Variants in CLVS1 observed in about 807,000 individuals in gnomAD.
CLVS1 encodes the protein clavesin 1, also known as clavesin-1.
Under a neutral mutation model 33.1 loss-of-function variants are expected in CLVS1, and 10 were observed. That is an observed-to-expected ratio of 0.30 (90% CI 0.19 to 0.51). CLVS1 has a LOEUF of 0.51. CLVS1 is among the 20% of genes least tolerant of loss of function. The pLI, the probability that CLVS1 is intolerant of heterozygous loss-of-function variation, is 0.97. For synonymous variants in CLVS1, 163 were observed against 166.1 expected, an observed-to-expected ratio of 0.98 and a Z score of 0.14; for missense variants, 343 against 433.4, an observed-to-expected ratio of 0.79 and a Z score of 1.85.
intron 3 of CLVS1, chr8:61,377,893 G>GTGGCACATCATA (rs6150608): frequency 6.6e-6 from 1 of 151,904 alleles, no homozygotes; most frequent in Non-Finnish European, 1.5e-5. Context: ...ATTGTCCTGG[G>GTGGCACATCATA]TAGTGTATTT....
intron 5 of CLVS1, among the ~76,000 whole-genome samples, chr8:61,475,570 GT>G (rs1181294400): frequency 1.3e-5 from 2 of 152,152 alleles, no homozygotes; most frequent in African/African-American, 4.8e-5. Flanking sequence ...TTTTTCATGT[GT>G]TTTTTGGCTG....
At chr8:61,187,476 A>G (rs964809901) in intron 2 of CLVS1, among the ~76,000 whole-genome samples, 3 of 152,156 alleles carry the variant, frequency 2.0e-5, no homozygotes, top group Admixed American at 6.6e-5. Context: ...AAAAGGAAAA[A>G]GGCAACTATT....
intron 2 of CLVS1, among the ~76,000 whole-genome samples, chr8:61,187,552 T>C (rs1319434296): frequency 1.3e-5 from 2 of 152,102 alleles, no homozygotes; most frequent in African/African-American, 2.4e-5. Flanking sequence ...AACAAACTTA[T>C]TTAGTAACCA....
chr8:61,251,889 AG>A (rs529361172), intron 2 of CLVS1, among the ~76,000 whole-genome samples: 31 of 152,040 alleles, frequency 2.0e-4, no homozygotes, highest in Non-Finnish European at 4.6e-4. Flanking sequence ...GATTTTTTGA[AG>A]GGTTTTTTTG....
intron 2 of CLVS1, among the ~76,000 whole-genome samples, chr8:61,305,474 A>T (rs1466236143): frequency 6.6e-6 from 1 of 152,180 alleles, no homozygotes; most frequent in Non-Finnish European, 1.5e-5. Flanking sequence ...AATGGCCTTC[A>T]GTTCCATCCA....
chr8:60,979,901 G>A, the CLVS1 span, among the ~76,000 whole-genome samples: 1 of 152,152 alleles, frequency 6.6e-6, no homozygotes, highest in East Asian at 1.9e-4. Context: ...CTTTACTATA[G>A]GGATTTTGTT....
chr8:61,257,951 G>A (rs1466805728), intron 2 of CLVS1, among the ~76,000 whole-genome samples: 5 of 152,106 alleles, frequency 3.3e-5, no homozygotes, highest in Admixed American at 2.6e-4. Flanking sequence ...TGGTGGTGGT[G>A]ATGATGATGG....
At chr8:61,063,260 CGAGAGAGAGA>C (rs555022524) in intron 1 of CLVS1, among the ~76,000 whole-genome samples, 19 of 82,018 alleles carry the variant, frequency 2.3e-4, no homozygotes, top group African/African-American at 8.2e-4. Flanking sequence ...AGTGAGGAAG[CGAGAGAGAGA>C]GAGAGAGAGA....
chr8:61,260,646 G>A (rs1809184139), intron 2 of CLVS1, among the ~76,000 whole-genome samples: 1 of 152,194 alleles, frequency 6.6e-6, no homozygotes, highest in Admixed American at 6.5e-5. Context: ...TTCAGGTCTT[G>A]CTTATAAAAG....
intron 2 of CLVS1, among the ~76,000 whole-genome samples, chr8:61,201,323 G>T (rs1196198736): frequency 6.6e-6 from 1 of 152,166 alleles, no homozygotes; most frequent in Non-Finnish European, 1.5e-5. Flanking sequence ...CCAGTTTTGT[G>T]CAGTGGCAAG....
chr8:61,148,169 T>A (rs1806456033), intron 2 of CLVS1, among the ~76,000 whole-genome samples: 1 of 152,240 alleles, frequency 6.6e-6, no homozygotes, highest in African/African-American at 2.4e-5. Context: ...ATGGTGTACT[T>A]GAATTTCAGC....
chr8:61,115,756 T>C (rs1395588529), intron 1 of CLVS1, among the ~76,000 whole-genome samples: 3 of 148,048 alleles, frequency 2.0e-5, no homozygotes, highest in Non-Finnish European at 3.0e-5. Context: ...TGCCACATTT[T>C]CTTAATCCAG....
At chr8:61,105,716 A>T (rs1389791311) in intron 1 of CLVS1, among the ~76,000 whole-genome samples, 2 of 152,180 alleles carry the variant, frequency 1.3e-5, no homozygotes, top group Non-Finnish European at 2.9e-5. Context: ...TTTCTTAATT[A>T]TAGGACATTA....
chr8:61,116,866 T>C (rs1297332601), intron 1 of CLVS1, among the ~76,000 whole-genome samples: 306 of 134,280 alleles, frequency 2.3e-3, no homozygotes, highest in African/African-American at 7.8e-3. Flanking sequence ...TCTTTTTTGG[T>C]TCCATATGAA....
At chr8:61,284,620 TAAAC>T (rs150161314), upstream of CLVS1, among the ~76,000 whole-genome samples, 956 of 152,242 alleles carry the variant, frequency 6.3e-3, 10 homozygotes, top group African/African-American at 0.021. Context: ...TGCAAGATAA[TAAAC>T]AAAGAAAAGC....
intron 2 of CLVS1, among the ~76,000 whole-genome samples, chr8:61,355,698 A>G (rs1459201294): frequency 6.6e-6 from 1 of 152,116 alleles, no homozygotes; most frequent in Non-Finnish European, 1.5e-5. Flanking sequence ...TTTACTGAGA[A>G]TGATGATTTC....
chr8:61,007,295 A>C, the CLVS1 span, among the ~76,000 whole-genome samples: 2 of 152,236 alleles, frequency 1.3e-5, no homozygotes, highest in Non-Finnish European at 2.9e-5. Context: ...TTATAGTAGC[A>C]GATACCAGAT....
chr8:61,306,325 T>C (rs1298905416), intron 2 of CLVS1, among the ~76,000 whole-genome samples: 1 of 152,222 alleles, frequency 6.6e-6, no homozygotes, highest in African/African-American at 2.4e-5. Flanking sequence ...GTTGGCCACA[T>C]AAATGTCTTC....
At chr8:61,003,795 C>A in the CLVS1 span, among the ~76,000 whole-genome samples, 1 of 152,162 alleles carries the variant, frequency 6.6e-6, no homozygotes, top group Non-Finnish European at 1.5e-5. Context: ...TGCCATGTAC[C>A]AGGAGAATAC....
Sources: gnomAD v4.1 joint callset for allele counts (sites outside exome capture counted in the v4.1 genomes callset) on GRCh38, gnomAD v4.1.1 for gene constraint, MANE v1.5 for transcripts, NCBI Gene and HGNC (gene_info 2026-07-23, HGNC 2026-07-21) for gene names.